Variants in MTUS1 observed in about 807,000 individuals in gnomAD.
MTUS1 encodes the protein microtubule associated scaffold protein 1, also known as microtubule-associated tumor suppressor 1.
MTUS1 carries 109 observed loss-of-function variants against 120.8 expected under a neutral mutation model. That is an observed-to-expected ratio of 0.90 (90% CI 0.77 to 1.06). MTUS1 has a LOEUF of 1.06. MTUS1 is among the 50% of genes least tolerant of loss of function. The probability of loss-of-function intolerance (pLI) is 0.00; values close to 1 mark genes in which losing one functional copy is unlikely to be tolerated. For synonymous variants in MTUS1, 737 were observed against 550.5 expected, an observed-to-expected ratio of 1.34 and a Z score of -4.74; for missense variants, 2,210 against 1,486.3, an observed-to-expected ratio of 1.49 and a Z score of -8.01.
rs78591213 is a variant in MTUS1, at chr8:17,665,081, G to C, written c.2906-9016C>G. On this transcript the variant is annotated intron_variant, in intron 8 of 14. Coordinates refer to ENST00000693296, the MANE Select transcript of MTUS1 (RefSeq NM_001363059.2). ...GAGTTACTCTTATGCTTTGTAGAAA[G>C]TCTTCCCAGCCTGTGGAATAATCCC... 2.6e-5 allele frequency among the ~76,000 whole-genome samples: 4 copies of C among 152,312 alleles called. No homozygotes were observed. In the East Asian group the frequency reaches 7.7e-4, roughly 29 times the overall value.
chr8:17,702,531 C>G (rs1333268324), intron 6 of MTUS1, among the ~76,000 whole-genome samples: 1 of 152,150 alleles, frequency 6.6e-6, no homozygotes, highest in South Asian at 2.1e-4. Flanking sequence ...AACCTTGTAC[C>G]ATTGAACATC....
rs762885309 is a variant in MTUS1, at chr8:17,675,202, G to A, written c.2889C>T (p.Asn963=). ...QHKTLSQELV[N]LRGELVTAST... The stretch of plus-strand genomic sequence containing the variant: ...AGCTCTTACCTAGCTCTCCCCGGAG[G>A]TTAACAAGTTCTTGAGATAGGGTTT... Residue 963 remains asparagine, a synonymous_variant, in exon 8 of 15, where the codon AAC becomes AAT. Coordinates refer to ENST00000693296, the MANE Select transcript of MTUS1 (RefSeq NM_001363059.2). 1.9e-6 allele frequency: 3 copies of A among 1,614,110 alleles called. No homozygotes were observed. The highest frequency in any genetic ancestry group is 1.7e-6 in the Non-Finnish European group (2 of 1,180,002).
chr8:17,737,391 T>C (rs542732081), intron 3 of MTUS1, among the ~76,000 whole-genome samples: 6 of 152,282 alleles, frequency 3.9e-5, no homozygotes, highest in Non-Finnish European at 7.3e-5. Flanking sequence ...TAGTGACTAA[T>C]ACTATTTTTA....
At chr8:17,706,418 T>G (rs1820170328) in intron 6 of MTUS1, among the ~76,000 whole-genome samples, 1 of 152,200 alleles carries the variant, frequency 6.6e-6, no homozygotes, top group African/African-American at 2.4e-5. Context: ...GTTCTCCTCC[T>G]GCTTTTCTAC....
intron 2 of MTUS1, among the ~76,000 whole-genome samples, chr8:17,745,874 G>C (rs1433032838): frequency 6.6e-6 from 1 of 152,166 alleles, no homozygotes. Flanking sequence ...GTAATCCCCA[G>C]TGCTGGAGGA....
intron 3 of MTUS1, chr8:17,724,226 C>A (rs1328036885): frequency 1.0e-5 from 4 of 396,324 alleles, no homozygotes; most frequent in Non-Finnish European, 2.0e-5. Flanking sequence ...AAAAAATAAT[C>A]CATTAGGACA....
intron 6 of MTUS1, 110 bp from the exon 7 acceptor site, chr8:17,684,652 T>C (rs1815374414): frequency 4.7e-6 from 4 of 857,780 alleles, no homozygotes; most frequent in Admixed American, 3.8e-5. Context: ...ATTTAAGTTA[T>C]GTTGCTGTAA....
At chr8:17,721,671 G>C in intron 4 of MTUS1, 1 of 1,521,850 alleles carries the variant, frequency 6.6e-7, no homozygotes, top group African/African-American at 1.4e-5. Flanking sequence ...AAAAATTTAA[G>C]CATGCTTACA....
intron 3 of MTUS1, among the ~76,000 whole-genome samples, chr8:17,733,664 T>C (rs1217986548): frequency 1.3e-5 from 2 of 152,196 alleles, no homozygotes; most frequent in Admixed American, 6.5e-5. Flanking sequence ...GACAAGAGGC[T>C]CTAGGTCAGC....
chr8:17,648,004 G>A (rs554451734), intron 13 of MTUS1, among the ~76,000 whole-genome samples: 3 of 152,250 alleles, frequency 2.0e-5, no homozygotes, highest in Admixed American at 6.5e-5. Context: ...TCACTTTCCA[G>A]AAAAGGAGTC....
intron 1 of MTUS1, among the ~76,000 whole-genome samples, chr8:17,791,763 C>A (rs10102764): frequency 2.0e-5 from 3 of 152,008 alleles, no homozygotes; most frequent in African/African-American, 7.3e-5. Context: ...AACTCCCAAC[C>A]GACAGCACCA....
chr8:17,705,811 A>C (rs895715585), intron 6 of MTUS1: 1 of 152,266 alleles, frequency 6.6e-6, no homozygotes, highest in Admixed American at 6.5e-5. Context: ...TCCAAGGCAG[A>C]CACTCTGGCA....
intron 7 of MTUS1, among the ~76,000 whole-genome samples, chr8:17,680,220 T>C (rs1191668840): frequency 1.3e-5 from 2 of 151,956 alleles, no homozygotes; most frequent in African/African-American, 2.4e-5. Flanking sequence ...TCCCAGCACT[T>C]TGGAAGGCCG....
chr8:17,760,478 GT>G (rs553162130), intron 1 of MTUS1, among the ~76,000 whole-genome samples: 62 of 152,220 alleles, frequency 4.1e-4, no homozygotes, highest in African/African-American at 1.4e-3. Context: ...ATGGCTTTAA[GT>G]CACCACCACC....
At chr8:17,732,470 C>G (rs2046653280) in intron 3 of MTUS1, among the ~76,000 whole-genome samples, 1 of 152,126 alleles carries the variant, frequency 6.6e-6, no homozygotes, top group Non-Finnish European at 1.5e-5. Flanking sequence ...CCAGGGAGCA[C>G]CCCAGAGCTA....
chr8:17,740,719 G>C (rs934165931), intron 3 of MTUS1, among the ~76,000 whole-genome samples: 4 of 152,180 alleles, frequency 2.6e-5, no homozygotes, highest in Non-Finnish European at 5.9e-5. Flanking sequence ...TTAAACAACA[G>C]AAATTTGTTT....
chr8:17,741,576 A>T (rs2047320928), intron 3 of MTUS1, among the ~76,000 whole-genome samples: 1 of 152,196 alleles, frequency 6.6e-6, no homozygotes. Flanking sequence ...AAACAGATCC[A>T]CTTTTCTCTA....
At chr8:17,680,756 G>C (rs17690083) in intron 7 of MTUS1, among the ~76,000 whole-genome samples, 85,072 of 151,688 alleles carry the variant, frequency 0.56, 24,895 homozygotes, top group Middle Eastern at 0.69. Flanking sequence ...TGAGGGAAAA[G>C]TATCTTTAAA....
At position 17,750,490 on chromosome 8, in the gene MTUS1, A is replaced by G. The variant is rs117863487; in HGVS notation, c.2091+3227T>C. On this transcript the variant is annotated intron_variant, in intron 2 of 14. Coordinates refer to ENST00000693296, the MANE Select transcript of MTUS1 (RefSeq NM_001363059.2). The stretch of plus-strand genomic sequence containing the variant: ...ACTTGTTTTGCCTTTCAGAGCCAAC[A>G]TTCCAAAAATTTTGAAACCGTATGG... 5.7e-3 allele frequency among the ~76,000 whole-genome samples: 866 copies of G among 152,332 alleles called. 5 individuals carry two copies. Among genetic ancestry groups the G allele is most frequent in the Non-Finnish European group, 8.8e-3 (601 of 68,024 alleles).
Sources: gnomAD v4.1 joint callset for allele counts (sites outside exome capture counted in the v4.1 genomes callset) on GRCh38, gnomAD v4.1.1 for gene constraint, MANE v1.5 for transcripts, NCBI Gene and HGNC (gene_info 2026-07-23, HGNC 2026-07-21) for gene names.